CREB3L1: variants seen among roughly 807,000 people sequenced by gnomAD.
CREB3L1 encodes cyclic AMP-responsive element-binding protein 3-like protein 1.
Under a neutral mutation model 54.5 loss-of-function variants are expected in CREB3L1, and 33 were observed. That is an observed-to-expected ratio of 0.61 (90% confidence interval 0.46 to 0.81). The LOEUF is 0.81. CREB3L1 is among the 30% of genes least tolerant of loss of function. CREB3L1 has a pLI of 0.00. For synonymous variants in CREB3L1, 284 were observed against 286.4 expected (o/e 0.99, Z 0.08); for missense variants, 656 against 673.3 (o/e 0.97, Z 0.29).
At chr11:46,281,810 G>A (rs1265127893) in intron 1 of CREB3L1, among the ~76,000 whole-genome samples, 1 of 152,130 alleles carries the variant, frequency 6.6e-6, no homozygotes, top group African/African-American at 2.4e-5. Flanking sequence ...CTTAAAAGGG[G>A]AGATTTGTGT....
intron 1 of CREB3L1, 57 bp from the exon 2 acceptor site, chr11:46,299,878 C>T: frequency 3.8e-6 from 5 of 1,318,442 alleles, no homozygotes; most frequent in Non-Finnish European, 5.4e-6. Context: ...GTAGCACCTG[C>T]ACCCCCTTCC....
chr11:46,311,445 T>G (rs771205125), intron 5 of CREB3L1, among the ~76,000 whole-genome samples: 2 of 152,094 alleles, frequency 1.3e-5, no homozygotes, highest in African/African-American at 4.8e-5. Context: ...GCAATTCTCC[T>G]GTCTCAGCCT....
At chr11:46,285,176 G>A (rs1475325663) in intron 1 of CREB3L1, among the ~76,000 whole-genome samples, 2 of 152,132 alleles carry the variant, frequency 1.3e-5, no homozygotes, top group Non-Finnish European at 2.9e-5. Context: ...CATGTGCCTC[G>A]TGCGAGTCCT....
At chr11:46,298,383 A>G (rs974380984) in intron 1 of CREB3L1, among the ~76,000 whole-genome samples, 9 of 152,246 alleles carry the variant, frequency 5.9e-5, no homozygotes, top group Non-Finnish European at 1.2e-4. Flanking sequence ...CATTCGTTCA[A>G]TAAATAAGGA....
At chr11:46,288,718 T>G (rs1204270302) in intron 1 of CREB3L1, among the ~76,000 whole-genome samples, 2 of 152,092 alleles carry the variant, frequency 1.3e-5, no homozygotes, top group Non-Finnish European at 2.9e-5. Flanking sequence ...GGGCCCATAT[T>G]TTGTATCTGG....
In CREB3L1 at chr11:46,309,683, T is replaced by C. The variant is rs148861501; in HGVS notation, c.517-306T>C. Among the ~76,000 whole-genome samples the C allele has an allele frequency of 2.6e-3, 389 of 152,352 alleles. 1 individual carries two copies. Among genetic ancestry groups the C allele is most frequent in the African/African-American group, 9.1e-3 (379 of 41,598 alleles). ...TGTTTTATTCTCATGGCAACCCACATACCAAAGCCTGTGTGGCCTTCACAG... is the reference window on the plus strand; with the variant it reads ...TGTTTTATTCTCATGGCAACCCACACACCAAAGCCTGTGTGGCCTTCACAG... On this transcript the variant is annotated intron_variant, in intron 3 of 11. Transcript: ENST00000621158.
At chr11:46,318,311 T>C (rs544581685) in intron 10 of CREB3L1, among the ~76,000 whole-genome samples, 1 of 152,020 alleles carries the variant, frequency 6.6e-6, no homozygotes, top group Admixed American at 6.5e-5. Context: ...AGAAGAAGGG[T>C]AGCGGTGGTG....
At chr11:46,318,863 C>G (rs1180801785) in intron 10 of CREB3L1, among the ~76,000 whole-genome samples, 3 of 151,976 alleles carry the variant, frequency 2.0e-5, no homozygotes, top group Non-Finnish European at 4.4e-5. Flanking sequence ...CGTTGAGGGC[C>G]TTGAGGGGAG....
Position 46,310,068 on chromosome 11 carries a change from G to A in CREB3L1, c.595+1G>A. On this transcript the variant is annotated splice_donor_variant, in intron 4 of 11. Transcript: ENST00000621158. LOFTEE classifies it high-confidence loss of function. ...AACCAGTTCCTCAAAGTGACACCGG[G>A]TAGGTGTGTCCAGGGGAAGGGCTCT... is the stretch of plus-strand genomic sequence containing the variant. 6.3e-7 allele frequency: 1 copy of A among 1,583,794 alleles called. No homozygotes were observed. Among genetic ancestry groups the A allele is most frequent in the East Asian group, 2.3e-5 (1 of 43,258 alleles).
chr11:46,285,926 G>C (rs1939049511), intron 1 of CREB3L1, among the ~76,000 whole-genome samples: 1 of 152,172 alleles, frequency 6.6e-6, no homozygotes, highest in African/African-American at 2.4e-5. Flanking sequence ...GATTGACAGG[G>C]GCTCGCTTTG....
intron 5 of CREB3L1, among the ~76,000 whole-genome samples, chr11:46,311,510 G>GT (rs796260243): frequency 0.023 from 3,293 of 141,856 alleles, 96 homozygotes; most frequent in African/African-American, 0.072. Context: ...TTTTTTGTTT[G>GT]TTTTTTTTTT....
At chr11:46,288,543 A>T (rs905621918) in intron 1 of CREB3L1, among the ~76,000 whole-genome samples, 3 of 152,032 alleles carry the variant, frequency 2.0e-5, no homozygotes, top group Admixed American at 1.3e-4. Flanking sequence ...GATCACGGGG[A>T]TTTTATTTTT....
intron 1 of CREB3L1, among the ~76,000 whole-genome samples, chr11:46,294,628 C>T (rs1474507083): frequency 6.6e-6 from 1 of 151,858 alleles, no homozygotes; most frequent in African/African-American, 2.4e-5. Context: ...GCCTGGGCCT[C>T]GTAGGAACCC....
rs1939317968 is a variant in CREB3L1 at position 46,302,474 on chromosome 11, C to T, written c.331+2311C>T. 3.9e-5 allele frequency among the ~76,000 whole-genome samples: 6 copies of T among 152,288 alleles called. No individual in the cohort carries two copies. In the South Asian group the frequency reaches 1.2e-3, roughly 32 times the overall value. The stretch of plus-strand genomic sequence containing the variant: ...GGGCATTTCCTCAAATACAGGTGGT[C>T]CTGGCTCTGTCGCTTTTGGCTACGT... On this transcript the variant is annotated intron_variant, in intron 2 of 11. Coordinates refer to ENST00000621158, the MANE Select transcript of CREB3L1 (RefSeq NM_052854.4).
At position 46,295,982 on chromosome 11, in the gene CREB3L1, G is replaced by A. The variant is rs1326551633; in HGVS notation, c.103-3953G>A. 6.6e-6 allele frequency among the ~76,000 whole-genome samples: 1 copy of A among 152,202 alleles called. No homozygotes were observed. The highest frequency in any genetic ancestry group is 1.5e-5 in the Non-Finnish European group (1 of 68,040). On this transcript the variant is annotated intron_variant, in intron 1 of 11. Transcript: ENST00000621158. This position sits in a 1 kb window ranked among gnomAD's most constrained non-coding sequence, Gnocchi z 4.6. ...ACTATAGGAAAAAGTCTTTAACGAGGAGGGAAACAAATCATAATATGTCCT... is the reference window on the plus strand; with the variant it reads ...ACTATAGGAAAAAGTCTTTAACGAGAAGGGAAACAAATCATAATATGTCCT...
At chr11:46,307,309 C>T (rs769360414) in intron 2 of CREB3L1, among the ~76,000 whole-genome samples, 5 of 152,144 alleles carry the variant, frequency 3.3e-5, no homozygotes, top group Non-Finnish European at 7.4e-5. Context: ...AGGCTGGTCA[C>T]GAACTCCTGG....
rs747612049 is a variant in CREB3L1 at position 46,307,972 on chromosome 11, C to G, written c.488C>G (p.Pro163Arg). Residue 163 changes from proline (P) to arginine (R), a missense_variant, in exon 3 of 12, where the codon CCC (proline) becomes CGC (arginine). This residue lies in a region of CREB3L1 where 339 missense variants were observed against 331.5 expected (regional missense o/e 1.02). Transcript: ENST00000621158. ...MATTPLLGLSPLSRLPIPHQA... is the reference protein window; with the variant it reads ...MATTPLLGLSRLSRLPIPHQA... ...ACCACCCCGCTGCTGGGCCTCAGCC[C>G]CTTGTCCAGGCTGCCCATCCCCCAC... 9 of 1,559,208 alleles carry G rather than the reference C, an allele frequency of 5.8e-6. No individual in the cohort carries two copies. Among genetic ancestry groups the G allele is most frequent in the East Asian group, 2.4e-5 (1 of 41,782 alleles).
intron 8 of CREB3L1, chr11:46,315,992 G>A (rs1939561004): frequency 3.1e-6 from 1 of 327,052 alleles, no homozygotes; most frequent in African/African-American, 2.1e-5. Flanking sequence ...AGCAAAAGAA[G>A]GCTGGCATCT....
Position 46,316,359 on chromosome 11 carries a change from G to T in CREB3L1, c.1105G>T (p.Ala369Ser). 1 of 1,571,060 alleles carries T rather than the reference G, an allele frequency of 6.4e-7. No homozygotes were observed. Among genetic ancestry groups the T allele is most frequent in the Non-Finnish European group, 8.6e-7 (1 of 1,158,140 alleles). ...NKISRPYKMA[A>S]TQTGTCLMVA... Reference sequence around the variant, plus strand: ...GATCTCCAGACCTTACAAGATGGCCGCCACCCAGACTGGGACCTGCCTCAT... The same window carrying T: ...GATCTCCAGACCTTACAAGATGGCCTCCACCCAGACTGGGACCTGCCTCAT... Residue 369 changes from alanine to serine, a missense_variant, in exon 9 of 12, where the codon GCC becomes TCC. Physicochemically the swap from Ala to Ser is moderately conservative, Grantham distance 99. Coordinates refer to ENST00000621158, the MANE Select transcript of CREB3L1 (RefSeq NM_052854.4).
Sources: allele counts gnomAD v4.1 joint callset (sites outside exome capture counted in the v4.1 genomes callset), GRCh38; gene constraint gnomAD v4.1.1; regional missense constraint gnomAD v4.1.1; non-coding constraint Gnocchi (gnomAD v3.1); transcripts MANE v1.5; gene names NCBI Gene and HGNC (gene_info 2026-07-23, HGNC 2026-07-21).